Variants in TDRP observed in about 807,000 individuals in gnomAD.
TDRP encodes testis development related protein, also known as testis development-related protein.
Under a neutral mutation model 10.5 loss-of-function variants are expected in TDRP, and 12 were observed. That is an observed-to-expected ratio of 1.15 (90% CI 0.73 to 1.86). The LOEUF (loss-of-function observed/expected upper bound fraction) is 1.86. TDRP is among the 40% of genes most tolerant of loss of function. The pLI is 0.00. For synonymous variants in TDRP, 139 were observed against 95.4 expected, an observed-to-expected ratio of 1.46 and a Z score of -2.67; for missense variants, 353 against 229.2, an observed-to-expected ratio of 1.54 and a Z score of -3.49.
At chr8:509,353 C>G (rs181332722) in intron 1 of TDRP, among the ~76,000 whole-genome samples, 184 of 152,338 alleles carry the variant, frequency 1.2e-3, no homozygotes, top group African/African-American at 4.2e-3. Context: ...GTGCTCTGCC[C>G]CTGCAGCAAA....
chr8:538,668 G>C (rs1481535747), intron 1 of TDRP, among the ~76,000 whole-genome samples: 1 of 152,232 alleles, frequency 6.6e-6, no homozygotes, highest in Non-Finnish European at 1.5e-5. Context: ...TGCAAATACA[G>C]TTATCTTGAC....
chr8:544,973 AT>A (rs1450799196), upstream of TDRP: 1 of 271,224 alleles, frequency 3.7e-6, no homozygotes, highest in Non-Finnish European at 6.1e-6. Context: ...CCCCCAAACC[AT>A]CCCCAGAACC....
chr8:507,608 GC>G (rs1801501781), intron 1 of TDRP, among the ~76,000 whole-genome samples: 2 of 152,164 alleles, frequency 1.3e-5, no homozygotes, highest in Non-Finnish European at 2.9e-5. Flanking sequence ...ACCCAACAGT[GC>G]CGTGCCCCAC....
chr8:502,805 C>G (rs1165939249), intron 1 of TDRP, among the ~76,000 whole-genome samples: 1 of 151,724 alleles, frequency 6.6e-6, no homozygotes. Flanking sequence ...GGAACCAATG[C>G]CCACCTCAAC....
At chr8:516,778 G>T (rs757787308) in intron 1 of TDRP, among the ~76,000 whole-genome samples, 4 of 152,124 alleles carry the variant, frequency 2.6e-5, no homozygotes, top group Non-Finnish European at 4.4e-5. Context: ...CAAATGACTT[G>T]AAAACTTATG....
chr8:530,843 C>T (rs1227798760), intron 1 of TDRP, among the ~76,000 whole-genome samples: 1 of 152,208 alleles, frequency 6.6e-6, no homozygotes, highest in Non-Finnish European at 1.5e-5. Flanking sequence ...CCACTCTTCC[C>T]ATTCCTGCCC....
At chr8:543,297 G>A (rs921915885) in intron 1 of TDRP, among the ~76,000 whole-genome samples, 1 of 151,936 alleles carries the variant, frequency 6.6e-6, no homozygotes, top group Non-Finnish European at 1.5e-5. Context: ...TAGTAAACGG[G>A]GCAAGACCCT....
At chr8:505,989 G>A (rs1486997555) in intron 1 of TDRP, among the ~76,000 whole-genome samples, 1 of 152,124 alleles carries the variant, frequency 6.6e-6, no homozygotes, top group African/African-American at 2.4e-5. Context: ...CTGGAAATGT[G>A]GGCATGGACA....
intron 1 of TDRP, among the ~76,000 whole-genome samples, chr8:532,363 C>T (rs1230451000): frequency 6.6e-6 from 1 of 152,214 alleles, no homozygotes; most frequent in Non-Finnish European, 1.5e-5. Context: ...CAGAAGGGCA[C>T]ATATTAGCCC....
intron 2 of TDRP, among the ~76,000 whole-genome samples, chr8:493,529 T>C (rs1035476897): frequency 6.6e-6 from 1 of 152,240 alleles, no homozygotes; most frequent in Non-Finnish European, 1.5e-5. Context: ...AAAAGCCAAC[T>C]CTGTACTTGT....
rs536965154 is a variant in TDRP at position 525,227 on chromosome 8, A to G, written c.108+19423T>C. 3.6e-3 allele frequency among the ~76,000 whole-genome samples: 548 copies of G among 152,316 alleles called. 4 individuals are homozygous for G. Among genetic ancestry groups the G allele is most frequent in the African/African-American group, 0.012 (512 of 41,576 alleles). ...AGATTATCTGGCAAAAATGTCCTTC[A>G]AGCATGAAGGAGAAAGATCTTCCCA... On this transcript the variant is annotated intron_variant, in intron 1 of 2. Coordinates refer to ENST00000324079, the MANE Select transcript of TDRP (RefSeq NM_001384899.1).
chr8:522,013 T>G (rs555530382), intron 1 of TDRP, among the ~76,000 whole-genome samples: 1 of 152,326 alleles, frequency 6.6e-6, no homozygotes, highest in South Asian at 2.1e-4. Context: ...CATTTGGGAT[T>G]TTTCATTATT....
chr8:500,413 C>A (rs960040336), intron 1 of TDRP, among the ~76,000 whole-genome samples: 1 of 152,182 alleles, frequency 6.6e-6, no homozygotes, highest in South Asian at 2.1e-4. Context: ...CGTCCAGATC[C>A]TGTCCATGAG....
rs77102761 is a variant in TDRP at position 505,265 on chromosome 8, G to A, written c.109-10668C>T. On this transcript the variant is annotated intron_variant, in intron 1 of 2. Transcript: ENST00000324079. ...TTAAGAACTGAAAAGGATTAATTCC[G>A]TAAGTGCATTAACTGTACAAGTCCA... Among the ~76,000 whole-genome samples, 722 of 152,266 alleles carry A rather than the reference G, an allele frequency of 4.7e-3. 4 individuals are homozygous for A. The highest frequency in any genetic ancestry group is 7.4e-3 in the Non-Finnish European group (506 of 68,020).
rs373105589 is a variant in TDRP at position 494,547 on chromosome 8, G to A, written c.159C>T (p.Asn53=). The change falls in exon 2 of 3, where the codon AAC becomes AAT. Residue 53 remains asparagine, a synonymous_variant. Coordinates refer to ENST00000324079, the MANE Select transcript of TDRP (RefSeq NM_001384899.1). ...RGWKEVTSLF[N]KDDEQHLLER... Reference sequence around the variant, plus strand: ...CCAGGAGATGCTGCTCATCATCTTTGTTAAACAGTGAAGTCACTTCTTTCC... The same window carrying A: ...CCAGGAGATGCTGCTCATCATCTTTATTAAACAGTGAAGTCACTTCTTTCC... The A allele has an allele frequency of 3.2e-4, 509 of 1,613,902 alleles. 3 individuals carry two copies. In the African/African-American group the frequency reaches 6.1e-3, roughly 19 times the overall value.
rs752170084 is a variant in TDRP at position 513,951 on chromosome 8, C to A, written c.109-19354G>T. ...AATATGCTTAAAATGTTTAAATGAT[C>A]TGAATAACTGGAAAACTACTCCACT... On this transcript the variant is annotated intron_variant, in intron 1 of 2. Coordinates refer to ENST00000324079, the MANE Select transcript of TDRP (RefSeq NM_001384899.1). 8.0e-4 allele frequency among the ~76,000 whole-genome samples: 122 copies of A among 152,290 alleles called. 1 individual carries two copies. The highest frequency in any genetic ancestry group is 1.1e-3 in the Non-Finnish European group (72 of 68,018).
chr8:520,641 G>T (rs1255831213), intron 1 of TDRP, among the ~76,000 whole-genome samples: 1 of 152,164 alleles, frequency 6.6e-6, no homozygotes, highest in African/African-American at 2.4e-5. Flanking sequence ...CCATACTAAT[G>T]GTTGTGAGGT....
intron 1 of TDRP, among the ~76,000 whole-genome samples, chr8:527,575 A>G (rs984357876): frequency 6.6e-6 from 1 of 152,202 alleles, no homozygotes; most frequent in African/African-American, 2.4e-5. Context: ...CCAATGAAAG[A>G]GAATAGAGAA....
intron 1 of TDRP, among the ~76,000 whole-genome samples, chr8:514,963 G>C (rs1262758544): frequency 6.6e-6 from 1 of 152,136 alleles, no homozygotes. Flanking sequence ...TCCTGCAAAA[G>C]ACAATCAGGA....
Sources: gnomAD v4.1 joint callset for allele counts (sites outside exome capture counted in the v4.1 genomes callset) on GRCh38, gnomAD v4.1.1 for gene constraint, MANE v1.5 for transcripts, NCBI Gene and HGNC (gene_info 2026-07-23, HGNC 2026-07-21) for gene names.